The following AGO1 variants were observed in gnomAD, a reference collection of about 807,000 sequenced individuals.
AGO1 encodes the protein protein argonaute-1.
In AGO1, 11 loss-of-function variants were observed where a neutral mutation model predicts 109.2. The observed-to-expected ratio is 0.10, with a 90% CI of 0.06 to 0.17. The LOEUF (loss-of-function observed/expected upper bound fraction) is 0.17. Among genes scored for constraint, AGO1 ranks in the 10% least tolerant of loss-of-function variants. The probability of loss-of-function intolerance (pLI) is 1.00; values close to 1 mark genes in which losing one functional copy is unlikely to be tolerated. For synonymous variants in AGO1, 422 were observed against 418.6 expected, an observed-to-expected ratio of 1.01 and a Z score of -0.10; for missense variants, 574 against 1,140.3, an observed-to-expected ratio of 0.50 and a Z score of 7.15.
At position 35,906,923 on chromosome 1, in the gene AGO1, G is replaced by C; in HGVS notation, c.1398-12G>C. The C allele has an allele frequency of 2.5e-6, 4 of 1,603,774 alleles. No homozygotes were observed. The highest frequency in any genetic ancestry group is 3.4e-6 in the Non-Finnish European group (4 of 1,174,036). ...GACTCACTGCCTCCTTTGTGACCAT[G>C]CGTGTGTACAGGAACTTCACAGACC... is the stretch of plus-strand genomic sequence containing the variant. On this transcript the variant is annotated splice_polypyrimidine_tract_variant and intron_variant, in intron 11 of 18. Coordinates refer to ENST00000373204, the MANE Select transcript of AGO1 (RefSeq NM_012199.5).
At chr1:35,894,890 C>A (rs916773499) in intron 7 of AGO1, among the ~76,000 whole-genome samples, 8 of 152,154 alleles carry the variant, frequency 5.3e-5, no homozygotes, top group Non-Finnish European at 7.3e-5. Flanking sequence ...GTGGAACTTG[C>A]CTTTCAAACC....
At chr1:35,903,816 A>G (rs1645466271) in intron 11 of AGO1, among the ~76,000 whole-genome samples, 1 of 145,978 alleles carries the variant, frequency 6.9e-6, no homozygotes, top group Non-Finnish European at 1.5e-5. Context: ...TACAAAAATT[A>G]GCCGGGCGTG....
intron 3 of AGO1, 135 bp downstream of exon 3, chr1:35,892,812 A>G: frequency 7.8e-7 from 1 of 1,282,204 alleles, no homozygotes; most frequent in Non-Finnish European, 1.1e-6. Flanking sequence ...AGGGGTGGGT[A>G]GGTGCTGATG....
At chr1:35,887,569 T>C (rs1023672642) in intron 1 of AGO1, among the ~76,000 whole-genome samples, 3 of 152,154 alleles carry the variant, frequency 2.0e-5, no homozygotes, top group African/African-American at 4.8e-5. Context: ...ATGGAGAGAA[T>C]CTTGTGTTCT....
intron 8 of AGO1, among the ~76,000 whole-genome samples, chr1:35,897,482 A>G (rs1165312322): frequency 1.3e-5 from 2 of 152,240 alleles, no homozygotes; most frequent in Non-Finnish European, 2.9e-5. Context: ...AGGGTCAAAT[A>G]ATATAGCCTG....
rs374456578 is a variant in AGO1 at position 35,915,297 on chromosome 1, G to C, written c.1834-51G>C. 1.9e-6 allele frequency: 3 copies of C among 1,549,450 alleles called. No homozygotes were observed. The African/African-American group carries it at 4.1e-5, about 21-fold the overall frequency. On this transcript the variant is annotated intron_variant, in intron 14 of 18. Transcript: ENST00000373204. ...AAGCCTTTCCACAAACCCATAGCCT[G>C]ACAGTGAAGGTGAAGGTTCTAGGAG...
At chr1:35,876,717 T>C (rs1644995944) in intron 1 of AGO1, among the ~76,000 whole-genome samples, 1 of 152,216 alleles carries the variant, frequency 6.6e-6, no homozygotes, top group East Asian at 1.9e-4. Context: ...TTTGAGAGGA[T>C]TGACTCCAAT....
Position 35,929,138 on chromosome 1 carries a change from T to C in AGO1, c.*9531T>C, listed in dbSNP as rs1645986930. ...TCTGTACCCTTAAGAGCAGACTCAG[T>C]TGGGAATGAGTTATCCAAATATAGG... On this transcript the variant is annotated 3_prime_UTR_variant, in exon 19 of 19. Transcript: ENST00000373204. The C allele has an allele frequency of 6.6e-6, 1 of 152,270 alleles. No individual in the cohort carries two copies. The highest frequency in any genetic ancestry group is 1.5e-5 in the Non-Finnish European group (1 of 68,064). The allele number at this position is 152,270 out of a possible 1,614,324, so 9.4% of individuals were successfully genotyped here. A position where few individuals can be genotyped will look rare whatever the true frequency, so the allele number is the denominator to read the frequency against.
Position 35,911,391 on chromosome 1 carries a change from A to G in AGO1, c.1583-2451A>G, listed in dbSNP as rs115083581. Among the ~76,000 whole-genome samples, 1,334 of 152,292 alleles carry G rather than the reference A, an allele frequency of 8.8e-3. 8 individuals are homozygous for G. The highest frequency in any genetic ancestry group is 0.013 in the Non-Finnish European group (863 of 68,020). ...GCAAAAACTGTTGCTTTTCTTTTCC[A>G]TGGCAGTGGTGCAGAGCTTAGACTC... On this transcript the variant is annotated intron_variant, in intron 12 of 18. Transcript: ENST00000373204.
intron 8 of AGO1, among the ~76,000 whole-genome samples, chr1:35,898,135 A>G (rs1245385346): frequency 6.6e-6 from 1 of 152,148 alleles, no homozygotes; most frequent in South Asian, 2.1e-4. Flanking sequence ...GATTGTTTCT[A>G]CTTTTTGGGT....
At chr1:35,886,962 A>G (rs1481949365) in intron 1 of AGO1, among the ~76,000 whole-genome samples, 2 of 151,972 alleles carry the variant, frequency 1.3e-5, no homozygotes, top group Admixed American at 1.3e-4. Flanking sequence ...GTGTGTTTGG[A>G]TGTGTGTGAT....
Position 35,926,714 on chromosome 1 carries a change from A to G in AGO1, c.*7107A>G, listed in dbSNP as rs1645935416. The G allele has an allele frequency of 6.6e-6, 1 of 152,226 alleles. No homozygotes were observed. The highest frequency in any genetic ancestry group is 1.5e-5 in the Non-Finnish European group (1 of 68,046). 9.4% of individuals were successfully genotyped at this position (152,226 alleles called of 1,614,324 possible). A position where few individuals can be genotyped will look rare whatever the true frequency, so the allele number is the denominator to read the frequency against. ...CGGCTTAGAAGGCACACAGCATGAC[A>G]GAAGTACTCCTTCAAAGCAGCTGTG... On this transcript the variant is annotated 3_prime_UTR_variant, in exon 19 of 19. Transcript: ENST00000373204.
In AGO1 at chr1:35,930,010, A is replaced by G. The variant is rs181064431; in HGVS notation, c.*10403A>G. The G allele has an allele frequency of 6.6e-6, 1 of 152,202 alleles. No homozygotes were observed. The highest frequency in any genetic ancestry group is 1.9e-4 in the East Asian group (1 of 5,192). The allele number at this position is 152,202 out of a possible 1,614,324, so 9.4% of individuals were successfully genotyped here. On this transcript the variant is annotated 3_prime_UTR_variant, in exon 19 of 19. Transcript: ENST00000373204. ...CCTCTTTAAAAAATTATTTTGATTA[A>G]AAAAAACCGTATTACTGAAGCATAG...
chr1:35,900,496 G>A (rs1380858639), intron 8 of AGO1, among the ~76,000 whole-genome samples: 2 of 152,156 alleles, frequency 1.3e-5, no homozygotes, highest in East Asian at 3.9e-4. Context: ...GGGAGGCGGA[G>A]GTGGGTGGAT....
chr1:35,919,397 C>G lies in AGO1; in HGVS notation c.2466-102C>G. ...CTGCCCAATCCTGGGTTGGGTTTCT[C>G]TCTTAAGTTGGTATGGGAATTGGCA... On this transcript the variant is annotated intron_variant, in intron 18 of 18. Transcript: ENST00000373204. The surrounding 1 kb of genome is among the most constrained non-coding windows in gnomAD (Gnocchi z 6.6). 6.8e-7 allele frequency: 1 copy of G among 1,470,976 alleles called. No homozygotes were observed. The highest frequency in any genetic ancestry group is 2.0e-5 in the Admixed American group (1 of 49,628). 91.1% of individuals were successfully genotyped at this position (1,470,976 alleles called of 1,614,324 possible).
In AGO1 at chr1:35,929,978, T is replaced by A. The variant is rs975699442; in HGVS notation, c.*10371T>A. 1 of 152,190 alleles carries A rather than the reference T, an allele frequency of 6.6e-6. No homozygotes were observed. The highest frequency in any genetic ancestry group is 2.4e-5 in the African/African-American group (1 of 41,432). 9.4% of individuals were successfully genotyped at this position (152,190 alleles called of 1,614,324 possible). A position where few individuals can be genotyped will look rare whatever the true frequency, so the allele number is the denominator to read the frequency against. The stretch of plus-strand genomic sequence containing the variant: ...GGAACTGAAGATAGGATATTCTTTC[T>A]CCTTTTCCTCTTTAAAAAATTATTT... On this transcript the variant is annotated 3_prime_UTR_variant, in exon 19 of 19. Transcript: ENST00000373204.
chr1:35,919,144 C>T lies in AGO1; in HGVS notation c.2355C>T (p.Cys785=). 6.2e-7 allele frequency: 1 copy of T among 1,614,218 alleles called. No individual in the cohort carries two copies. The highest frequency in any genetic ancestry group is 1.1e-5 in the South Asian group (1 of 91,084). ...TCCAGATCCTGACGTACCAGCTGTG[C>T]CACACTTACGTACGATGCACACGCT... is the stretch of plus-strand genomic sequence containing the variant. ...DELQILTYQL[C]HTYVRCTRSV... is the part of the protein sequence containing the mutation. Residue 785 remains cysteine, a synonymous_variant, in exon 18 of 19, where the codon TGC becomes TGT. Transcript: ENST00000373204. The surrounding 1 kb of genome is among the most constrained non-coding windows in gnomAD (Gnocchi z 6.6).
upstream of AGO1, chr1:35,882,722 A>C: frequency 1.3e-6 from 1 of 747,190 alleles, no homozygotes; most frequent in Non-Finnish European, 1.6e-6. This position sits in a 1 kb window ranked among gnomAD's most constrained non-coding sequence, Gnocchi z 5.1. Context: ...ATGGCGTGGA[A>C]GAGGGGGTGG....
At chr1:35,898,683 A>G (rs1001001576) in intron 8 of AGO1, among the ~76,000 whole-genome samples, 1 of 152,176 alleles carries the variant, frequency 6.6e-6, no homozygotes, top group Non-Finnish European at 1.5e-5. Flanking sequence ...TATAATATGA[A>G]TCCATTGGAA....
Sources: gnomAD v4.1 joint callset for allele counts (sites outside exome capture counted in the v4.1 genomes callset) on GRCh38, gnomAD v4.1.1 for gene constraint, Gnocchi (gnomAD v3.1) non-coding constraint, MANE v1.5 for transcripts, NCBI Gene and HGNC (gene_info 2026-07-23, HGNC 2026-07-21) for gene names.